PIK3C2G: variants seen among roughly 807,000 people sequenced by gnomAD.
The protein encoded by PIK3C2G is phosphatidylinositol-4-phosphate 3-kinase catalytic subunit type 2 gamma.
PIK3C2G carries 168 observed loss-of-function variants against 181.1 expected under a neutral mutation model. That is an observed-to-expected ratio of 0.93 (90% CI 0.82 to 1.05). The LOEUF (loss-of-function observed/expected upper bound fraction) is 1.05. Among genes scored for constraint, PIK3C2G ranks in the 50% least tolerant of loss-of-function variants. PIK3C2G has a pLI of 0.00. For synonymous variants in PIK3C2G, 573 were observed against 592.2 expected (o/e 0.97, Z 0.47); for missense variants, 1,869 against 1,732.8 (o/e 1.08, Z -1.40).
At chr12:18,386,442 C>T (rs897728019) in intron 14 of PIK3C2G, among the ~76,000 whole-genome samples, 2 of 152,116 alleles carry the variant, frequency 1.3e-5, no homozygotes, top group Admixed American at 1.3e-4. Context: ...TAGCTCTCAC[C>T]TCCTATTCCC....
At chr12:18,542,115 GAATTCAGGGTATCCAGAGAAACT>G (rs1366386404) in intron 25 of PIK3C2G, among the ~76,000 whole-genome samples, 1 of 151,772 alleles carries the variant, frequency 6.6e-6, no homozygotes, top group East Asian at 1.9e-4. Flanking sequence ...AAGCAGGTGT[GAATTCAGGGTATCCAGAGAAACT>G]GGAATGCAAT....
chr12:18,364,857 T>C (rs1235777044), intron 12 of PIK3C2G, among the ~76,000 whole-genome samples: 1 of 152,018 alleles, frequency 6.6e-6, no homozygotes, highest in African/African-American at 2.4e-5. Flanking sequence ...AACATCACTC[T>C]ACCTTGGGCT....
intron 31 of PIK3C2G, among the ~76,000 whole-genome samples, chr12:18,638,512 G>T (rs979933466): frequency 6.6e-6 from 1 of 152,124 alleles, no homozygotes; most frequent in Non-Finnish European, 1.5e-5. Flanking sequence ...AGTTCAACTC[G>T]CATTGTAATT....
At chr12:18,384,121 C>A (rs190240462) in intron 14 of PIK3C2G, among the ~76,000 whole-genome samples, 248 of 151,908 alleles carry the variant, frequency 1.6e-3, no homozygotes, top group African/African-American at 5.5e-3. Flanking sequence ...TGCACCCAGC[C>A]TGGACATTTA....
At chr12:18,457,828 A>G (rs1225990924) in intron 18 of PIK3C2G, among the ~76,000 whole-genome samples, 1 of 152,152 alleles carries the variant, frequency 6.6e-6, no homozygotes, top group African/African-American at 2.4e-5. Context: ...ATGAATCTAG[A>G]GTGGGGGTAA....
chr12:18,570,401 G>T (rs1945869394), intron 29 of PIK3C2G, among the ~76,000 whole-genome samples: 1 of 149,498 alleles, frequency 6.7e-6, no homozygotes, highest in South Asian at 2.1e-4. Flanking sequence ...TAGAGACGGG[G>T]TTTTGCCATG....
In PIK3C2G at chr12:18,359,021, G is replaced by T. The variant is rs190539962; in HGVS notation, c.1626-3743G>T. 11 of 153,716 alleles carry T rather than the reference G, an allele frequency of 7.2e-5. No homozygotes were observed. The Admixed American group carries it at 7.2e-4, about 10-fold the overall frequency. 9.5% of individuals were successfully genotyped at this position (153,716 alleles called of 1,614,324 possible). On this transcript the variant is annotated intron_variant, in intron 11 of 32. Transcript: ENST00000538779. ...CGAGTGAGCAAGCTGAACAGGTGAG[G>T]AGCTGCAGCCTGGGAGTGCTGAAGG... is the stretch of plus-strand genomic sequence containing the variant.
At chr12:18,633,435 T>C (rs537915313) in intron 31 of PIK3C2G, among the ~76,000 whole-genome samples, 1 of 152,348 alleles carries the variant, frequency 6.6e-6, no homozygotes, top group South Asian at 2.1e-4. Context: ...AACTACCTAC[T>C]TCCATCCTTT....
At chr12:18,544,023 T>C (rs1222826541) in intron 25 of PIK3C2G, among the ~76,000 whole-genome samples, 2 of 151,752 alleles carry the variant, frequency 1.3e-5, no homozygotes, top group African/African-American at 4.8e-5. Context: ...CAAAATATGA[T>C]TGTACAAAGA....
the PIK3C2G span, among the ~76,000 whole-genome samples, chr12:18,659,321 C>A: frequency 1 from 151,697 of 152,228 alleles, 75,585 homozygotes; most frequent in Middle Eastern, 1. Flanking sequence ...CAAAAGTAGT[C>A]AGACAAAATA....
chr12:18,534,701 G>A (rs11330364), intron 24 of PIK3C2G, among the ~76,000 whole-genome samples: 423 of 2,876 alleles, frequency 0.15, 1 homozygote, highest in African/African-American at 0.29. Flanking sequence ...TAAAAAAAAA[G>A]AAAGGCTTCT....
At chr12:18,507,874 G>A (rs557944007) in intron 24 of PIK3C2G, among the ~76,000 whole-genome samples, 3 of 152,322 alleles carry the variant, frequency 2.0e-5, no homozygotes, top group African/African-American at 4.8e-5. Flanking sequence ...ACCACGGTCT[G>A]TAGAGAATAT....
At chr12:18,464,041 C>T (rs1948058738) in intron 18 of PIK3C2G, among the ~76,000 whole-genome samples, 1 of 152,044 alleles carries the variant, frequency 6.6e-6, no homozygotes, top group South Asian at 2.1e-4. Flanking sequence ...ATTACCTTCC[C>T]CAGAATGATC....
chr12:18,508,763 T>G (rs7968273), intron 24 of PIK3C2G, among the ~76,000 whole-genome samples: 52,648 of 151,884 alleles, frequency 0.35, 9,984 homozygotes, highest in East Asian at 0.61. Context: ...TAAATGAGTT[T>G]AATAACACCC....
intron 5 of PIK3C2G, among the ~76,000 whole-genome samples, chr12:18,299,189 A>G (rs910044367): frequency 1.3e-5 from 2 of 151,900 alleles, no homozygotes; most frequent in Non-Finnish European, 2.9e-5. Context: ...ATGTCTTTCC[A>G]TTTATTTGTG....
intron 11 of PIK3C2G, among the ~76,000 whole-genome samples, chr12:18,360,235 T>C (rs1435346744): frequency 6.6e-6 from 1 of 152,160 alleles, no homozygotes; most frequent in Non-Finnish European, 1.5e-5. Context: ...CTTTAACCTT[T>C]TAACTAAAAT....
intron 12 of PIK3C2G, among the ~76,000 whole-genome samples, chr12:18,365,122 C>T (rs1457304715): frequency 6.6e-6 from 1 of 152,066 alleles, no homozygotes; most frequent in Admixed American, 6.6e-5. Context: ...GGCCCAGTTC[C>T]CACAACCAGA....
At chr12:18,245,702 A>G (rs1591755343), upstream of PIK3C2G, among the ~76,000 whole-genome samples, 1 of 152,174 alleles carries the variant, frequency 6.6e-6, no homozygotes, top group South Asian at 2.1e-4. Context: ...TTTATCTAAT[A>G]CAGCATTATT....
intron 29 of PIK3C2G, among the ~76,000 whole-genome samples, chr12:18,593,341 T>C (rs1017146994): frequency 1.3e-5 from 2 of 151,852 alleles, no homozygotes; most frequent in African/African-American, 4.8e-5. Context: ...TGTAAGCGGA[T>C]GGAAAGCTGT....
Sources: gnomAD v4.1 joint callset for allele counts (sites outside exome capture counted in the v4.1 genomes callset) on GRCh38, gnomAD v4.1.1 for gene constraint, MANE v1.5 for transcripts, NCBI Gene and HGNC (gene_info 2026-07-23, HGNC 2026-07-21) for gene names.